The following PPP4R4 variants were observed in gnomAD, a reference collection of about 807,000 sequenced individuals.
The protein encoded by PPP4R4 is serine/threonine-protein phosphatase 4 regulatory subunit 4.
Under a neutral mutation model 121.8 loss-of-function variants are expected in PPP4R4, and 70 were observed. The ratio of observed to expected loss-of-function variants is 0.57; its 90% confidence interval spans 0.47 to 0.70. The LOEUF (loss-of-function observed/expected upper bound fraction) is 0.70, where lower values mean the gene tolerates loss of function less well. PPP4R4 is among the 30% of genes least tolerant of loss of function. The pLI is 0.00. For synonymous variants in PPP4R4, 348 were observed against 355.7 expected (o/e 0.98, Z 0.24); for missense variants, 875 against 1,033.6 (o/e 0.85, Z 2.10).
Position 94,244,703 on chromosome 14 carries a change from A to G in PPP4R4, c.1335A>G (p.Glu445=). ...AACTAATAACATTATTACAAGATGA[A>G]TCACTGGAGGTAATATTTTCTTACT... is the stretch of plus-strand genomic sequence containing the variant. ...HKELITLLQD[E]SLEVLDALID... Residue 445 remains glutamate (E), a synonymous_variant, in exon 12 of 25, where the codon GAA becomes GAG. Transcript: ENST00000304338. The G allele has an allele frequency of 6.7e-7, 1 of 1,494,492 alleles. No individual in the cohort carries two copies. Among genetic ancestry groups the G allele is most frequent in the Non-Finnish European group, 9.0e-7 (1 of 1,106,208 alleles). The allele number at this position is 1,494,492 out of a possible 1,614,324, so 92.6% of individuals were successfully genotyped here.
intron 3 of PPP4R4, among the ~76,000 whole-genome samples, chr14:94,214,417 G>A (rs1890909445): frequency 6.6e-6 from 1 of 151,790 alleles, no homozygotes; most frequent in African/African-American, 2.4e-5. Context: ...AGCTGCTCAG[G>A]AGGCTGGGGC....
chr14:94,265,542 C>T (rs1221701450), intron 21 of PPP4R4, 69 bp downstream of exon 21: 1 of 1,342,450 alleles, frequency 7.4e-7, no homozygotes, highest in East Asian at 2.4e-5. Context: ...CTGGGAAAGT[C>T]ACTCTATTAG....
chr14:94,240,887 T>C, intron 9 of PPP4R4, 92 bp downstream of exon 9: 1 of 1,366,564 alleles, frequency 7.3e-7, no homozygotes, highest in East Asian at 2.7e-5. Flanking sequence ...CAGTTAATTG[T>C]AAAGCCTAAC....
intron 7 of PPP4R4, 49 bp from the exon 8 acceptor site, chr14:94,237,516 C>G (rs1270388882): frequency 2.6e-6 from 4 of 1,547,840 alleles, no homozygotes; most frequent in Non-Finnish European, 3.5e-6. Flanking sequence ...TAAGTTCCTG[C>G]TACACATTTA....
chr14:94,267,440 C>T (rs1894105454), intron 23 of PPP4R4, among the ~76,000 whole-genome samples: 1 of 152,266 alleles, frequency 6.6e-6, no homozygotes, highest in Non-Finnish European at 1.5e-5. Context: ...CAGCACATTT[C>T]CCTGAAGGGC....
intron 2 of PPP4R4, among the ~76,000 whole-genome samples, chr14:94,195,336 A>C (rs577026922): frequency 1.7e-3 from 257 of 152,316 alleles, no homozygotes; most frequent in Non-Finnish European, 2.8e-3. Context: ...CCCAGTTTTA[A>C]CAAGCCCTGT....
At chr14:94,177,403 T>G (rs1436700419) in intron 2 of PPP4R4, among the ~76,000 whole-genome samples, 1 of 152,258 alleles carries the variant, frequency 6.6e-6, no homozygotes, top group African/African-American at 2.4e-5. Flanking sequence ...TAACCCATTT[T>G]CATATTGTGT....
intron 6 of PPP4R4, 69 bp downstream of exon 6, chr14:94,233,828 C>T (rs865822758): frequency 1.9e-6 from 2 of 1,027,604 alleles, no homozygotes; most frequent in Middle Eastern, 4.2e-4. Context: ...GACTGTGTAA[C>T]AATATATTTG....
intron 3 of PPP4R4, among the ~76,000 whole-genome samples, chr14:94,227,105 T>A (rs1891756160): frequency 6.6e-6 from 1 of 152,200 alleles, no homozygotes; most frequent in African/African-American, 2.4e-5. Context: ...GCACTTTCCT[T>A]CCTTGAATGG....
Position 94,278,727 on chromosome 14 carries a change from C to A in PPP4R4, c.*84C>A, listed in dbSNP as rs1457024477. On this transcript the variant is annotated 3_prime_UTR_variant, in exon 25 of 25. Transcript: ENST00000304338. ...ACAAAAGCTAAAGCAGTGGCTGGGG[C>A]TTTGTTTTTAAATTTTGGGTTTTTT... 1.5e-6 allele frequency: 2 copies of A among 1,317,382 alleles called. No individual in the cohort carries two copies. Among genetic ancestry groups the A allele is most frequent in the Non-Finnish European group, 2.0e-6 (2 of 998,822 alleles). 81.6% of individuals were successfully genotyped at this position (1,317,382 alleles called of 1,614,324 possible). A position where few individuals can be genotyped will look rare whatever the true frequency, so the allele number is the denominator to read the frequency against.
At chr14:94,213,497 A>C (rs924736183) in intron 3 of PPP4R4, among the ~76,000 whole-genome samples, 2 of 152,108 alleles carry the variant, frequency 1.3e-5, no homozygotes, top group African/African-American at 4.8e-5. Flanking sequence ...AGAAATTGTA[A>C]ATGTTACCTT....
chr14:94,236,237 T>A (rs930007760), intron 7 of PPP4R4, among the ~76,000 whole-genome samples: 26 of 152,224 alleles, frequency 1.7e-4, no homozygotes, highest in Non-Finnish European at 3.1e-4. Context: ...TGCATCACTG[T>A]CACATGTTTT....
At chr14:94,224,000 A>C (rs2139506205) in intron 3 of PPP4R4, among the ~76,000 whole-genome samples, 1 of 152,308 alleles carries the variant, frequency 6.6e-6, no homozygotes, top group South Asian at 2.1e-4. Flanking sequence ...ATATGTCCTT[A>C]ATTTACACTT....
chr14:94,230,767 G>T (rs774768780), intron 4 of PPP4R4, 33 bp downstream of exon 4: 311 of 1,571,136 alleles, frequency 2.0e-4, no homozygotes, highest in Non-Finnish European at 2.5e-4. Flanking sequence ...TTATATACTT[G>T]TTTATTGTTT....
intron 14 of PPP4R4, among the ~76,000 whole-genome samples, chr14:94,247,145 A>C (rs1252145186): frequency 6.6e-6 from 1 of 152,244 alleles, no homozygotes; most frequent in Non-Finnish European, 1.5e-5. Context: ...TTAATTGTCT[A>C]CTTTTTTCAC....
intron 7 of PPP4R4, among the ~76,000 whole-genome samples, 157 bp from the exon 8 acceptor site, chr14:94,237,408 G>A (rs892050141): frequency 2.0e-5 from 3 of 152,158 alleles, no homozygotes; most frequent in African/African-American, 7.2e-5. Context: ...TGTATGGTGT[G>A]CTTTCCCAAT....
chr14:94,250,092 T>A, intron 14 of PPP4R4, 80 bp from the exon 15 acceptor site: 1 of 927,530 alleles, frequency 1.1e-6, no homozygotes. Context: ...TGTCAATAAC[T>A]TAAAATTGAT....
intron 8 of PPP4R4, 92 bp downstream of exon 8, chr14:94,237,778 T>A (rs1892420590): frequency 1.0e-5 from 15 of 1,452,634 alleles, no homozygotes; most frequent in Non-Finnish European, 1.4e-5. Flanking sequence ...ATTTAGAATT[T>A]CCTATGTTAA....
intron 24 of PPP4R4, among the ~76,000 whole-genome samples, chr14:94,277,258 G>A (rs10151795): frequency 0.013 from 1,962 of 152,234 alleles, 40 homozygotes; most frequent in African/African-American, 0.045. Context: ...CTGAGATTGC[G>A]CCACTGCACT....
Sources: gnomAD v4.1 joint callset for allele counts (sites outside exome capture counted in the v4.1 genomes callset) on GRCh38, gnomAD v4.1.1 for gene constraint, MANE v1.5 for transcripts, NCBI Gene and HGNC (gene_info 2026-07-23, HGNC 2026-07-21) for gene names.